The following ZNF287 variants were observed in gnomAD, a reference collection of about 807,000 sequenced individuals.
ZNF287 encodes the protein zinc finger protein with KRAB and SCAN domains 13.
Under a neutral mutation model 73.7 loss-of-function variants are expected in ZNF287, and 31 were observed. The observed-to-expected ratio is 0.42, with a 90% CI of 0.32 to 0.57. ZNF287 has a LOEUF of 0.57. Ranked by LOEUF, ZNF287 falls within the 20% of genes least tolerant of loss-of-function variation. The pLI is 0.13. For synonymous variants in ZNF287, 301 were observed against 307.2 expected, an observed-to-expected ratio of 0.98 and a Z score of 0.21; for missense variants, 641 against 909.3, an observed-to-expected ratio of 0.70 and a Z score of 3.79.
rs1301556927 is a variant in ZNF287, at chr17:16,551,991, T to A, written c.2151A>T (p.Thr717=). 2 of 1,614,128 alleles carry A rather than the reference T, an allele frequency of 1.2e-6. No individual in the cohort carries two copies. Among genetic ancestry groups the A allele is most frequent in the Non-Finnish European group, 1.7e-6 (2 of 1,179,990 alleles). ...NECDKDFSQR[T]CLIQHQRIHT... ...GAATTCTCTGGTGTTGAATAAGGCA[T>A]GTTCTCTGGCTAAAATCCTTATCAC... The change falls in exon 6 of 6, where the codon ACA becomes ACT. Residue 717 remains threonine, a synonymous_variant. Transcript: ENST00000395825.
chr17:16,561,461 T>C (rs7212777), intron 5 of ZNF287, among the ~76,000 whole-genome samples: 11,217 of 152,274 alleles, frequency 0.074, 1,398 homozygotes, highest in African/African-American at 0.25. Flanking sequence ...AGATGACTTA[T>C]TAATCACAAA....
At chr17:16,564,709 C>G (rs1363020756) in intron 3 of ZNF287, among the ~76,000 whole-genome samples, 1 of 152,180 alleles carries the variant, frequency 6.6e-6, no homozygotes, top group Non-Finnish European at 1.5e-5. Flanking sequence ...ATTTCACAAT[C>G]TGGTAAGGTT....
chr17:16,564,597 T>G (rs1446591961), intron 3 of ZNF287, among the ~76,000 whole-genome samples: 2 of 152,208 alleles, frequency 1.3e-5, no homozygotes, highest in African/African-American at 4.8e-5. Flanking sequence ...AATTAAAATG[T>G]TAAGATATTT....
Position 16,552,214 on chromosome 17 carries a change from T to C in ZNF287, c.1928A>G (p.Asn643Ser). The change falls in exon 6 of 6, where the codon AAT becomes AGT. Residue 643 changes from asparagine (N) to serine (S), a missense_variant. Asn to Ser is a conservative substitution (Grantham distance 46, BLOSUM62 1). Coordinates refer to ENST00000395825, the MANE Select transcript of ZNF287 (RefSeq NM_020653.4). This position sits in a 1 kb window ranked among gnomAD's most constrained non-coding sequence, Gnocchi z 6.5. ...VHLTQHQRIH[N>S]GEKPFKCNIC... ...ATTGCATTTAAAGGGTTTTTCTCCA[T>C]TATGAATCCTCTGATGTTGAGTAAG... 6.2e-7 allele frequency: 1 copy of C among 1,614,058 alleles called. No individual in the cohort carries two copies. The highest frequency in any genetic ancestry group is 8.5e-7 in the Non-Finnish European group (1 of 1,179,968).
chr17:16,550,644 ATCTT>A lies in ZNF287; in HGVS notation c.*1208_*1211del, dbSNP rs928677108. On this transcript the variant is annotated 3_prime_UTR_variant, in exon 6 of 6. Coordinates refer to ENST00000395825, the MANE Select transcript of ZNF287 (RefSeq NM_020653.4). ...TCCTCACTTTCTCATCACTCTAGAA[ATCTT>A]TCTGTTGTGTAAACCACCTGTGATT... Among the ~76,000 whole-genome samples, 2 of 152,176 alleles carry A rather than the reference ATCTT, an allele frequency of 1.3e-5. No homozygotes were observed. Among genetic ancestry groups the A allele is most frequent in the African/African-American group, 4.8e-5 (2 of 41,458 alleles).
rs148232811 is a variant in ZNF287, at chr17:16,550,681, C to T, written c.*1175G>A. ...TGTAAACCACCTGTGATTTTCAGCA[C>T]TGTAACAAGCTTGAGAGGATCCAAT... On this transcript the variant is annotated 3_prime_UTR_variant, in exon 6 of 6. Coordinates refer to ENST00000395825, the MANE Select transcript of ZNF287 (RefSeq NM_020653.4). 5.9e-5 allele frequency among the ~76,000 whole-genome samples: 9 copies of T among 152,272 alleles called. No individual in the cohort carries two copies. Among genetic ancestry groups the T allele is most frequent in the Admixed American group, 5.9e-4 (9 of 15,302 alleles).
At position 16,552,802 on chromosome 17, in the gene ZNF287, G is replaced by A; in HGVS notation, c.1340C>T (p.Thr447Ile). The change falls in exon 6 of 6, where the codon ACT becomes ATT. Residue 447 changes from threonine to isoleucine, a missense_variant. Thr to Ile is a moderately conservative substitution (Grantham distance 89). Around this residue, in one of 2 missense-constraint regions of ZNF287, gnomAD observed 284 missense variants for 466.8 expected, o/e 0.61. Coordinates refer to ENST00000395825, the MANE Select transcript of ZNF287 (RefSeq NM_020653.4). The surrounding 1 kb of genome is among the most constrained non-coding windows in gnomAD (Gnocchi z 6.5). ...ATCACACTTATAGGGTTTCTCTCCA[G>A]TATGAATTCTCTGATGTATAGTAAG... The part of the protein sequence containing the change: ...AHLTIHQRIH[T>I]GEKPYKCDDC... 6.2e-7 allele frequency: 1 copy of A among 1,614,082 alleles called. No individual in the cohort carries two copies. Among genetic ancestry groups the A allele is most frequent in the Non-Finnish European group, 8.5e-7 (1 of 1,179,994 alleles).
Position 16,555,247 on chromosome 17 carries a change from A to G in ZNF287, c.716-1821T>C, listed in dbSNP as rs72833997. 8.8e-3 allele frequency among the ~76,000 whole-genome samples: 1,338 copies of G among 152,290 alleles called. 12 individuals carry two copies. The highest frequency in any genetic ancestry group is 0.015 in the Non-Finnish European group (1,024 of 68,030). ...TGTACCAGCACTATTACTGATATCAATCACTTCCCCTACTTGATCTGCAAT... is the reference window on the plus strand; with the variant it reads ...TGTACCAGCACTATTACTGATATCAGTCACTTCCCCTACTTGATCTGCAAT... On this transcript the variant is annotated intron_variant, in intron 5 of 5. Transcript: ENST00000395825.
chr17:16,563,346 C>A, intron 4 of ZNF287, 114 bp from the exon 5 acceptor site: 1 of 703,830 alleles, frequency 1.4e-6, no homozygotes, highest in Non-Finnish European at 2.4e-6. Context: ...AACAATAGTT[C>A]ATGGACATGA....
rs760654052 is a variant in ZNF287, at chr17:16,566,516, C to A, written c.501+9G>T. ...GCATTTTAAAATCAGAAAAGACAGT[C>A]ACACTCACTTTGGTCACCAAGTCAT... On this transcript the variant is annotated intron_variant, in intron 3 of 5. Transcript: ENST00000395825. The A allele has an allele frequency of 1.9e-6, 3 of 1,608,818 alleles. No homozygotes were observed. The highest frequency in any genetic ancestry group is 8.5e-7 in the Non-Finnish European group (1 of 1,177,296).
chr17:16,553,837 A>G (rs1194822799), intron 5 of ZNF287, among the ~76,000 whole-genome samples: 1 of 152,192 alleles, frequency 6.6e-6, no homozygotes, highest in East Asian at 1.9e-4. Flanking sequence ...TCCTAAAGCA[A>G]TTTCACTGAG....
At position 16,548,491 on chromosome 17, in the gene ZNF287, C is replaced by T. The variant is rs1408895307; in HGVS notation, c.*3365G>A. Reference sequence around the variant, plus strand: ...ATGAGACATTTTTCAAGACAACTGACCTGCTCTCTTAAAGAGGAAAAACTG... The same window carrying T: ...ATGAGACATTTTTCAAGACAACTGATCTGCTCTCTTAAAGAGGAAAAACTG... On this transcript the variant is annotated 3_prime_UTR_variant, in exon 6 of 6. Coordinates refer to ENST00000395825, the MANE Select transcript of ZNF287 (RefSeq NM_020653.4). Among the ~76,000 whole-genome samples, 2 of 152,092 alleles carry T rather than the reference C, an allele frequency of 1.3e-5. No homozygotes were observed. The highest frequency in any genetic ancestry group is 2.4e-5 in the African/African-American group (1 of 41,398).
At chr17:16,556,552 T>C (rs1051013426) in intron 5 of ZNF287, among the ~76,000 whole-genome samples, 1 of 151,980 alleles carries the variant, frequency 6.6e-6, no homozygotes, top group Non-Finnish European at 1.5e-5. Context: ...AAAAGAAAAA[T>C]AGAAAATAGT....
chr17:16,554,202 C>CTTTT lies in ZNF287; in HGVS notation c.716-780_716-777dup, dbSNP rs565329005. ...TTCAGCTTAATTTAGTTATCCACTA[C>CTTTT]TTTTTTTTTTTTTTTTTTGAGACAG... On this transcript the variant is annotated intron_variant, in intron 5 of 5. Transcript: ENST00000395825. 7.1e-3 allele frequency among the ~76,000 whole-genome samples: 985 copies of CTTTT among 139,390 alleles called. 10 individuals carry two copies. The highest frequency in any genetic ancestry group is 0.017 in the African/African-American group (648 of 37,322). The allele number at this position is 139,390 out of a possible 152,430, so 91.4% of individuals were successfully genotyped here.
rs941480075 is a variant in ZNF287 at position 16,562,386 on chromosome 17, T to G, written c.715+760A>C. On this transcript the variant is annotated intron_variant, in intron 5 of 5. Transcript: ENST00000395825. ...AAAATGGACAAAAACTATTTTTATA[T>G]TGACTTTATATGCAAAAAACCCAAA... Among the ~76,000 whole-genome samples, 7 of 152,348 alleles carry G rather than the reference T, an allele frequency of 4.6e-5. No homozygotes were observed. The East Asian group carries it at 1.2e-3, about 25-fold the overall frequency.
At chr17:16,554,461 G>A (rs763957127) in intron 5 of ZNF287, among the ~76,000 whole-genome samples, 2 of 152,084 alleles carry the variant, frequency 1.3e-5, no homozygotes, top group South Asian at 2.1e-4. Flanking sequence ...GATATGAGCC[G>A]CCACACCTGG....
At chr17:16,567,124 G>A (rs1907793298) in intron 2 of ZNF287, among the ~76,000 whole-genome samples, 1 of 152,148 alleles carries the variant, frequency 6.6e-6, no homozygotes, top group African/African-American at 2.4e-5. Flanking sequence ...CAATCTGGAA[G>A]GAGAACACCA....
At position 16,567,614 on chromosome 17, in the gene ZNF287, T is replaced by C; in HGVS notation, c.118A>G (p.Arg40Gly). ...YNVEKEILTS[R>G]FLRDTETCRQ... ...CAGGTCTCAGTGTCACGCAAGAATCTTGAAGTAAGGATTTCCTTCTCAACA... is the reference window on the plus strand; with the variant it reads ...CAGGTCTCAGTGTCACGCAAGAATCCTGAAGTAAGGATTTCCTTCTCAACA... Residue 40 changes from arginine to glycine, a missense_variant, in exon 2 of 6, where the codon AGA becomes GGA. This residue lies in a region of ZNF287 where 357 missense variants were observed against 442.4 expected (regional missense o/e 0.81). Transcript: ENST00000395825. The C allele has an allele frequency of 6.2e-7, 1 of 1,614,252 alleles. No individual in the cohort carries two copies.
At chr17:16,562,565 C>T (rs1907510997) in intron 5 of ZNF287, among the ~76,000 whole-genome samples, 1 of 152,038 alleles carries the variant, frequency 6.6e-6, no homozygotes, top group Non-Finnish European at 1.5e-5. Context: ...GTTATGACAG[C>T]GGTCACATGC....
Sources: gnomAD v4.1 joint callset for allele counts (sites outside exome capture counted in the v4.1 genomes callset) on GRCh38, gnomAD v4.1.1 for gene constraint, gnomAD v4.1.1 regional missense constraint, Gnocchi (gnomAD v3.1) non-coding constraint, MANE v1.5 for transcripts, NCBI Gene and HGNC (gene_info 2026-07-23, HGNC 2026-07-21) for gene names.